The following EP400 variants were observed in gnomAD, a reference collection of about 807,000 sequenced individuals.
The protein encoded by EP400 is E1A binding protein p400, also known as E1A-binding protein p400.
In EP400, 105 loss-of-function variants were observed where a neutral mutation model predicts 354.1. That is an observed-to-expected ratio of 0.30 (90% CI 0.25 to 0.35). The LOEUF (loss-of-function observed/expected upper bound fraction) is 0.35, where lower values mean the gene tolerates loss of function less well. Among genes scored for constraint, EP400 ranks in the 10% least tolerant of loss-of-function variants. The probability of loss-of-function intolerance (pLI) is 1.00; values close to 1 mark genes in which losing one functional copy is unlikely to be tolerated. For missense variants in EP400, 3,280 were observed against 4,121.0 expected (o/e 0.80, Z 5.59); for synonymous variants, 1,646 against 1,716.9 (o/e 0.96, Z 1.02).
In EP400 at chr12:132,077,826, C is replaced by A; in HGVS notation, c.*153C>A. On this transcript the variant is annotated 3_prime_UTR_variant, in exon 53 of 53. Transcript: ENST00000389561. ...ATAGTGTAATCATTTTATTAAAATG[C>A]ATCCCACACTGCAGGACAAATGGTC... is the stretch of plus-strand genomic sequence containing the variant. 1 of 1,002,702 alleles carries A rather than the reference C, an allele frequency of 1.0e-6. No homozygotes were observed. The highest frequency in any genetic ancestry group is 1.7e-5 in the South Asian group (1 of 57,778). 62.1% of individuals were successfully genotyped at this position (1,002,702 alleles called of 1,614,324 possible).
intron 12 of EP400, 52 bp from the exon 13 acceptor site, chr12:132,005,025 A>G (rs1893533307): frequency 1.4e-6 from 2 of 1,407,632 alleles, no homozygotes; most frequent in South Asian, 1.2e-5. Flanking sequence ...CCCAATTTAA[A>G]TTACAGTTGT....
At chr12:131,993,890 A>G (rs189180813) in intron 11 of EP400, among the ~76,000 whole-genome samples, 20 of 152,366 alleles carry the variant, frequency 1.3e-4, no homozygotes, top group African/African-American at 4.8e-4. Flanking sequence ...GTATTGAAAC[A>G]GACTTTTATT....
intron 47 of EP400, among the ~76,000 whole-genome samples, 198 bp from the exon 48 acceptor site, chr12:132,064,470 C>T (rs1013473591): frequency 5.3e-5 from 8 of 152,124 alleles, no homozygotes; most frequent in South Asian, 4.1e-4. Context: ...TAGTTTTCAC[C>T]GACGAATGCA....
intron 7 of EP400, 87 bp downstream of exon 7, chr12:131,987,977 G>C: frequency 3.4e-4 from 219 of 636,226 alleles, no homozygotes; most frequent in Non-Finnish European, 4.7e-4. Flanking sequence ...GAGGTCTCCA[G>C]ACCCACTTTT....
At position 131,961,042 on chromosome 12, in the gene EP400, G is replaced by A. The variant is rs530447014; in HGVS notation, c.423G>A (p.Pro141=). The A allele has an allele frequency of 6.2e-5, 98 of 1,583,472 alleles. No individual in the cohort carries two copies. Among genetic ancestry groups the A allele is most frequent in the Non-Finnish European group, 7.2e-5 (84 of 1,164,604 alleles). The change falls in exon 2 of 53, where the codon CCG becomes CCA. Residue 141 remains proline, a synonymous_variant. Transcript: ENST00000389561. ...CCCAGAGTCCCACGCAGCCCAGTCC[G>A]GGGCCGGGGCAGGCCTTGCAGAATG... ...VQTQSPTQPS[P]GPGQALQNVR...
chr12:131,991,555 G>T, intron 10 of EP400, 99 bp downstream of exon 10: 5 of 1,016,106 alleles, frequency 4.9e-6, no homozygotes, highest in Non-Finnish European at 6.0e-6. Flanking sequence ...TGTAGGCTGT[G>T]ACTATTACTT....
In EP400 at chr12:132,029,103, C is replaced by T. The variant is rs1593358083; in HGVS notation, c.5382-598C>T. ...GTTTTTCTTTCGAGTACTGATTTGT[C>T]TTTGTGTACTCCTCCCTCATTGAAC... is the stretch of plus-strand genomic sequence containing the variant. On this transcript the variant is annotated intron_variant, in intron 27 of 52. Coordinates refer to ENST00000389561, the MANE Select transcript of EP400 (RefSeq NM_015409.5). This position sits in a 1 kb window ranked among gnomAD's most constrained non-coding sequence, Gnocchi z 4.7. 2 of 153,308 alleles carry T rather than the reference C, an allele frequency of 1.3e-5. No homozygotes were observed. The highest frequency in any genetic ancestry group is 2.1e-4 in the South Asian group (1 of 4,858). 9.5% of individuals were successfully genotyped at this position (153,308 alleles called of 1,614,324 possible). A position where few individuals can be genotyped will look rare whatever the true frequency, so the allele number is the denominator to read the frequency against.
chr12:132,004,486 CTTCA>C (rs1366247773), intron 12 of EP400, among the ~76,000 whole-genome samples: 1 of 151,776 alleles, frequency 6.6e-6, no homozygotes, highest in Non-Finnish European at 1.5e-5. Context: ...CTTTTTGTTT[CTTCA>C]TTTGATATTT....
In EP400 at chr12:132,052,705, G is replaced by A. The variant is rs965290138; in HGVS notation, c.7395-441G>A. Among the ~76,000 whole-genome samples the A allele has an allele frequency of 2.0e-5, 3 of 152,122 alleles. No individual in the cohort carries two copies. The highest frequency in any genetic ancestry group is 2.4e-5 in the African/African-American group (1 of 41,500). ...TTCACCCTACTAATATTTATGGACC[G>A]CGGGCCTGCGCGGCGTGGAGCCTGG... On this transcript the variant is annotated intron_variant, in intron 41 of 52. Transcript: ENST00000389561. This position sits in a 1 kb window ranked among gnomAD's most constrained non-coding sequence, Gnocchi z 4.4.
chr12:131,959,296 G>T (rs1011076434), intron 1 of EP400, among the ~76,000 whole-genome samples: 2 of 152,208 alleles, frequency 1.3e-5, no homozygotes, highest in African/African-American at 4.8e-5. Flanking sequence ...ACTGATTTGG[G>T]TGCCAGGTGC....
Position 132,018,484 on chromosome 12 carries a change from T to C in EP400, c.4277+108T>C, listed in dbSNP as rs1407686361. ...AGGCTGCTAATGTAGTTAGGTTATC[T>C]GCTGCTCTTGGGACCTTGCTGGTGT... On this transcript the variant is annotated intron_variant, in intron 21 of 52. Transcript: ENST00000389561. This position sits in a 1 kb window ranked among gnomAD's most constrained non-coding sequence, Gnocchi z 4.0. The C allele has an allele frequency of 7.0e-7, 1 of 1,429,286 alleles. No homozygotes were observed. Among genetic ancestry groups the C allele is most frequent in the Non-Finnish European group, 9.3e-7 (1 of 1,072,578 alleles). 88.5% of individuals were successfully genotyped at this position (1,429,286 alleles called of 1,614,324 possible).
chr12:132,023,092 T>A (rs184168072), intron 23 of EP400, among the ~76,000 whole-genome samples: 1 of 152,152 alleles, frequency 6.6e-6, no homozygotes, highest in Non-Finnish European at 1.5e-5. Flanking sequence ...AAAGTTTAGG[T>A]TCATATGTGA....
intron 12 of EP400, among the ~76,000 whole-genome samples, chr12:131,999,830 A>G (rs553629190): frequency 6.6e-6 from 1 of 152,244 alleles, no homozygotes; most frequent in African/African-American, 2.4e-5. Context: ...TTTCATCTAC[A>G]TTTTAAAATT....
intron 32 of EP400, among the ~76,000 whole-genome samples, chr12:132,040,800 A>G (rs1188679684): frequency 6.6e-6 from 1 of 152,152 alleles, no homozygotes; most frequent in African/African-American, 2.4e-5. Context: ...TGACCAGGTG[A>G]GGCCTGACTG....
chr12:132,032,445 C>T (rs543617385), intron 30 of EP400, among the ~76,000 whole-genome samples: 1 of 152,306 alleles, frequency 6.6e-6, no homozygotes, highest in South Asian at 2.1e-4. Flanking sequence ...ATGCTGCTCA[C>T]ACAAGTCATC....
At chr12:132,002,037 T>C (rs1271040057) in intron 12 of EP400, among the ~76,000 whole-genome samples, 4 of 152,192 alleles carry the variant, frequency 2.6e-5, no homozygotes, top group African/African-American at 4.8e-5. Flanking sequence ...TGGAACTTCA[T>C]TGTGGAAGTT....
Position 131,979,669 on chromosome 12 carries a change from C to T in EP400, c.1336-25C>T, listed in dbSNP as rs746687183. 7 of 1,594,216 alleles carry T rather than the reference C, an allele frequency of 4.4e-6. No individual in the cohort carries two copies. In the South Asian group the frequency reaches 8.0e-5, roughly 18 times the overall value. On this transcript the variant is annotated intron_variant, in intron 2 of 52. Transcript: ENST00000389561. ...TGTAATGGCCTTCAGTGATCAAAATCTCATTTTTTCATCTTTTTTCCCAGC... is the reference window on the plus strand; with the variant it reads ...TGTAATGGCCTTCAGTGATCAAAATTTCATTTTTTCATCTTTTTTCCCAGC...
intron 7 of EP400, among the ~76,000 whole-genome samples, chr12:131,989,448 T>C (rs1008824679): frequency 1.3e-5 from 2 of 152,232 alleles, no homozygotes. Context: ...GCCATTGTGC[T>C]CTCAGGGCTC....
At chr12:132,062,420 TG>T in intron 46 of EP400, 45 bp from the exon 47 acceptor site, 1 of 1,610,332 alleles carries the variant, frequency 6.2e-7, no homozygotes, top group Non-Finnish European at 8.5e-7. Flanking sequence ...GATCTGAAGG[TG>T]GGCGAGTATC....
Sources: gnomAD v4.1 joint callset for allele counts (sites outside exome capture counted in the v4.1 genomes callset) on GRCh38, gnomAD v4.1.1 for gene constraint, Gnocchi (gnomAD v3.1) non-coding constraint, MANE v1.5 for transcripts, NCBI Gene and HGNC (gene_info 2026-07-23, HGNC 2026-07-21) for gene names.